CERK: variants seen among roughly 807,000 people sequenced by gnomAD.
CERK encodes acylsphingosine kinase.
Under a neutral mutation model 63.4 loss-of-function variants are expected in CERK, and 39 were observed. The ratio of observed to expected loss-of-function variants is 0.61; its 90% CI spans 0.48 to 0.80. CERK has a LOEUF of 0.80. CERK is among the 30% of genes least tolerant of loss of function. CERK has a pLI of 0.00. For synonymous variants in CERK, 302 were observed against 280.0 expected (o/e 1.08, Z -0.78); for missense variants, 670 against 714.1 (o/e 0.94, Z 0.70).
At chr22:46,689,921 G>A (rs903839205) in intron 12 of CERK, 71 bp downstream of exon 12, 4 of 1,205,598 alleles carry the variant, frequency 3.3e-6, no homozygotes, top group Non-Finnish European at 4.6e-6. Context: ...CACCCTGGGT[G>A]GGGCAGCTTG....
At position 46,695,335 on chromosome 22, in the gene CERK, A is replaced by C; in HGVS notation, c.944-20T>G. ...TTAAACCTGGGAACAGAGTGCAGTG[A>C]AGAAAAAACATCCACAAGGGTCATT... On this transcript the variant is annotated intron_variant, in intron 8 of 12. Transcript: ENST00000216264. The C allele has an allele frequency of 7.4e-7, 1 of 1,346,094 alleles. No individual in the cohort carries two copies. Among genetic ancestry groups the C allele is most frequent in the Non-Finnish European group, 1.1e-6 (1 of 935,522 alleles). 83.4% of individuals were successfully genotyped at this position (1,346,094 alleles called of 1,614,324 possible). A position where few individuals can be genotyped will look rare whatever the true frequency, so the allele number is the denominator to read the frequency against.
intron 9 of CERK, 112 bp downstream of exon 9, chr22:46,695,098 T>C (rs2082749468): frequency 1.5e-6 from 1 of 648,374 alleles, no homozygotes; most frequent in Non-Finnish European, 2.7e-6. Context: ...CTGGGCACGC[T>C]ACATCCGGCA....
rs577496966 is a variant in CERK at position 46,695,217 on chromosome 22, G to T, written c.1042C>A (p.Arg348=). ...VGSPRDRKPC[R]AGCFVCRQSK... is the part of the protein sequence containing the mutation. ...ACAAAGCAATGCACTTACCCTGCCC[G>T]GCAGGGCTTCCTATCCCTTGGAGAT... The change falls in exon 9 of 13, where the codon CGG becomes AGG. Residue 348 remains arginine (R), a synonymous_variant. Transcript: ENST00000216264. 1.9e-6 allele frequency: 3 copies of T among 1,562,400 alleles called. No individual in the cohort carries two copies. The East Asian group carries it at 6.7e-5, about 35-fold the overall frequency.
chr22:46,693,556 C>T (rs553035150), intron 9 of CERK, 53 bp from the exon 10 acceptor site: 19 of 1,416,000 alleles, frequency 1.3e-5, no homozygotes, highest in South Asian at 3.4e-5. Flanking sequence ...AGGTGCAGTG[C>T]GTATGCTTGG....
chr22:46,734,067 CATAT>C (rs59207182), intron 1 of CERK, among the ~76,000 whole-genome samples: 1,674 of 145,268 alleles, frequency 0.012, 27 homozygotes, highest in African/African-American at 0.038. Flanking sequence ...TACATACATA[CATAT>C]ATATATATAT....
intron 10 of CERK, among the ~76,000 whole-genome samples, chr22:46,692,328 A>T (rs951806805): frequency 1.3e-5 from 2 of 149,214 alleles, no homozygotes; most frequent in Non-Finnish European, 3.0e-5. Flanking sequence ...GGGGAAGCTG[A>T]GGCAGGAGAA....
In CERK at chr22:46,714,310, G is replaced by A. The variant is rs1289653010; in HGVS notation, c.380-2017C>T. Among the ~76,000 whole-genome samples, 2 of 151,994 alleles carry A rather than the reference G, an allele frequency of 1.3e-5. No homozygotes were observed. The highest frequency in any genetic ancestry group is 4.8e-5 in the African/African-American group (2 of 41,370). On this transcript the variant is annotated intron_variant, in intron 3 of 12. Coordinates refer to ENST00000216264, the MANE Select transcript of CERK (RefSeq NM_022766.6). This position sits in a 1 kb window ranked among gnomAD's most constrained non-coding sequence, Gnocchi z 4.4. ...AACAAACAAATTAGCTGGGTGTGGTGGTATGCCCTTGTAGTCCCAGCTACT... is the reference window on the plus strand; with the variant it reads ...AACAAACAAATTAGCTGGGTGTGGTAGTATGCCCTTGTAGTCCCAGCTACT...
chr22:46,701,620 C>T lies in CERK; in HGVS notation c.790+16G>A. The T allele has an allele frequency of 6.4e-7, 1 of 1,552,298 alleles. No homozygotes were observed. Among genetic ancestry groups the T allele is most frequent in the Non-Finnish European group, 8.7e-7 (1 of 1,147,976 alleles). ...GCCCGGCTGCCACCGTGCGCATGCG[C>T]AGAGGAGGGGCTCACCAACAACGAT... On this transcript the variant is annotated intron_variant, in intron 7 of 12. Transcript: ENST00000216264.
chr22:46,724,989 C>T (rs914877546), intron 1 of CERK, among the ~76,000 whole-genome samples: 1 of 152,028 alleles, frequency 6.6e-6, no homozygotes, highest in Non-Finnish European at 1.5e-5. Context: ...CCACTGCACT[C>T]CAGCCTGGGC....
At chr22:46,713,953 G>A (rs576151142) in intron 3 of CERK, among the ~76,000 whole-genome samples, 4 of 152,286 alleles carry the variant, frequency 2.6e-5, no homozygotes, top group South Asian at 4.1e-4. Flanking sequence ...GCGATATAGT[G>A]AGACTCTGTC....
intron 8 of CERK, 130 bp from the exon 9 acceptor site, chr22:46,695,445 G>A (rs9616099): frequency 1.5e-5 from 10 of 686,520 alleles, no homozygotes; most frequent in African/African-American, 8.7e-5. Flanking sequence ...GGGAGAGGCC[G>A]GGCCTGCTTC....
At chr22:46,728,375 C>T (rs2082930188) in intron 1 of CERK, among the ~76,000 whole-genome samples, 1 of 152,134 alleles carries the variant, frequency 6.6e-6, no homozygotes, top group Non-Finnish European at 1.5e-5. Context: ...TTAAACAAAT[C>T]CCAGAGTCCC....
intron 12 of CERK, among the ~76,000 whole-genome samples, chr22:46,687,924 C>T (rs2082711463): frequency 6.6e-6 from 1 of 152,138 alleles, no homozygotes; most frequent in African/African-American, 2.4e-5. Context: ...GGGCAGGGCA[C>T]AGTGACTCAC....
In CERK at chr22:46,695,322, A is replaced by C; in HGVS notation, c.944-7T>G. Reference sequence around the variant, plus strand: ...GAGAGGAAGGTCTTTAAACCTGGGAACAGAGTGCAGTGAAGAAAAAACATC... The same window carrying C: ...GAGAGGAAGGTCTTTAAACCTGGGACCAGAGTGCAGTGAAGAAAAAACATC... On this transcript the variant is annotated splice_polypyrimidine_tract_variant and splice_region_variant and intron_variant, in intron 8 of 12. Coordinates refer to ENST00000216264, the MANE Select transcript of CERK (RefSeq NM_022766.6). The C allele has an allele frequency of 6.6e-7, 1 of 1,519,496 alleles. No individual in the cohort carries two copies. The highest frequency in any genetic ancestry group is 9.1e-7 in the Non-Finnish European group (1 of 1,093,728). 94.1% of individuals were successfully genotyped at this position (1,519,496 alleles called of 1,614,324 possible). A position where few individuals can be genotyped will look rare whatever the true frequency, so the allele number is the denominator to read the frequency against.
chr22:46,722,564 T>C (rs1392394436), intron 1 of CERK, among the ~76,000 whole-genome samples: 2 of 150,734 alleles, frequency 1.3e-5, no homozygotes, highest in East Asian at 3.9e-4. Flanking sequence ...ATCTTTTTTT[T>C]TTTTTTTTTT....
chr22:46,701,406 A>C (rs1202591944), intron 7 of CERK, among the ~76,000 whole-genome samples: 1 of 152,174 alleles, frequency 6.6e-6, no homozygotes, highest in African/African-American at 2.4e-5. Flanking sequence ...GTGGGAAAGA[A>C]CTCGGCCCAC....
chr22:46,699,783 A>G (rs801706), intron 7 of CERK, among the ~76,000 whole-genome samples: 6,464 of 152,286 alleles, frequency 0.042, 420 homozygotes, highest in African/African-American at 0.15. Flanking sequence ...GAAAAAGTAC[A>G]TGGCATTTTA....
intron 3 of CERK, among the ~76,000 whole-genome samples, chr22:46,713,973 G>A (rs990740250): frequency 3.9e-5 from 6 of 151,916 alleles, no homozygotes; most frequent in Non-Finnish European, 7.4e-5. Flanking sequence ...CTCGACAAAC[G>A]ATCAAAAAAA....
intron 12 of CERK, among the ~76,000 whole-genome samples, chr22:46,688,000 C>T (rs926016985): frequency 3.9e-5 from 6 of 152,066 alleles, no homozygotes; most frequent in South Asian, 2.1e-4. Flanking sequence ...AGTTTGAGAC[C>T]AGCCTGGCCA....
Sources: gnomAD v4.1 joint callset for allele counts (sites outside exome capture counted in the v4.1 genomes callset) on GRCh38, gnomAD v4.1.1 for gene constraint, Gnocchi (gnomAD v3.1) non-coding constraint, MANE v1.5 for transcripts, NCBI Gene and HGNC (gene_info 2026-07-23, HGNC 2026-07-21) for gene names.